HDLBP: variants seen among roughly 807,000 people sequenced by gnomAD.
HDLBP encodes the protein high density lipoprotein binding protein.
Under a neutral mutation model 137.3 loss-of-function variants are expected in HDLBP, and 30 were observed. The ratio of observed to expected loss-of-function variants is 0.22; its 90% confidence interval spans 0.16 to 0.30. The LOEUF (loss-of-function observed/expected upper bound fraction) is 0.30, where lower values mean the gene tolerates loss of function less well. Among genes scored for constraint, HDLBP ranks in the 10% least tolerant of loss-of-function variants. The pLI is 1.00. For missense variants in HDLBP, 1,119 were observed against 1,667.3 expected (o/e 0.67, Z 5.73); for synonymous variants, 606 against 596.0 (o/e 1.02, Z -0.24).
At chr2:241,247,219 G>GT in intron 14 of HDLBP, 77 bp from the exon 15 acceptor site, 1 of 925,354 alleles carries the variant, frequency 1.1e-6, no homozygotes, top group East Asian at 2.5e-5. Flanking sequence ...ACCCCTAAGG[G>GT]TAGCATGAAC....
At chr2:241,309,352 G>A (rs925141019) in intron 1 of HDLBP, among the ~76,000 whole-genome samples, 7 of 152,192 alleles carry the variant, frequency 4.6e-5, no homozygotes, top group Non-Finnish European at 7.3e-5. Flanking sequence ...TCCAGCACGA[G>A]CCGTTGTCAG....
chr2:241,236,974 C>T (rs1231429361), intron 20 of HDLBP, among the ~76,000 whole-genome samples: 1 of 18,648 alleles, frequency 5.4e-5, no homozygotes, highest in Non-Finnish European at 1.3e-4. Flanking sequence ...GGCTCCCAGA[C>T]CTTGGGGGGG....
At chr2:241,290,575 A>T (rs1014367480) in intron 1 of HDLBP, among the ~76,000 whole-genome samples, 1 of 151,614 alleles carries the variant, frequency 6.6e-6, no homozygotes, top group Admixed American at 6.6e-5. Flanking sequence ...GCGCCATTGC[A>T]CTCCAGCCTG....
At chr2:241,281,131 G>A (rs1466417876) in intron 1 of HDLBP, among the ~76,000 whole-genome samples, 1 of 152,168 alleles carries the variant, frequency 6.6e-6, no homozygotes, top group African/African-American at 2.4e-5. Flanking sequence ...CGAGGTGGGC[G>A]GATCACTTGA....
At chr2:241,231,820 T>C (rs1054105280) in intron 24 of HDLBP, among the ~76,000 whole-genome samples, 33 of 152,108 alleles carry the variant, frequency 2.2e-4, no homozygotes, top group African/African-American at 8.0e-4. Context: ...ACAAAACACC[T>C]GTAGCCCACA....
intron 9 of HDLBP, among the ~76,000 whole-genome samples, chr2:241,254,588 C>T (rs1335447540): frequency 1.3e-5 from 2 of 151,786 alleles, no homozygotes; most frequent in Non-Finnish European, 2.9e-5. Flanking sequence ...GGGTTCACGC[C>T]ATTCTCCTGC....
rs1181889139 is a variant in HDLBP at position 241,272,830 on chromosome 2, C to G, written c.-102-4289G>C. On this transcript the variant is annotated intron_variant, in intron 1 of 27. Transcript: ENST00000310931. This position sits in a 1 kb window ranked among gnomAD's most constrained non-coding sequence, Gnocchi z 5.6. ...CCCGCGCGGGAGAAGCCGGGACGCT[C>G]CGAGGCGCGGCGCCCGGGCCCCGGC... The G allele has an allele frequency of 3.5e-6, 1 of 286,860 alleles. No homozygotes were observed. The highest frequency in any genetic ancestry group is 5.2e-6 in the Non-Finnish European group (1 of 191,988). 17.8% of individuals were successfully genotyped at this position (286,860 alleles called of 1,614,324 possible). A position where few individuals can be genotyped will look rare whatever the true frequency, so the allele number is the denominator to read the frequency against.
chr2:241,252,905 C>T (rs369372291), intron 11 of HDLBP, 52 bp downstream of exon 11: 162 of 1,271,894 alleles, frequency 1.3e-4, no homozygotes, highest in Admixed American at 6.8e-5. Flanking sequence ...TGACACCCCC[C>T]ACAAGGGTCT....
In HDLBP at chr2:241,229,485, G is replaced by T. The variant is rs2069456056; in HGVS notation, c.*116C>A. On this transcript the variant is annotated 3_prime_UTR_variant, in exon 28 of 28. Transcript: ENST00000310931. ...TAGGCTCCCTGCGGGACCTCGGGAAGGGGGAAGAGCGTCAACAATTTACGG... is the reference window on the plus strand; with the variant it reads ...TAGGCTCCCTGCGGGACCTCGGGAATGGGGAAGAGCGTCAACAATTTACGG... 3.9e-6 allele frequency: 3 copies of T among 760,322 alleles called. No homozygotes were observed. Among genetic ancestry groups the T allele is most frequent in the South Asian group, 1.8e-5 (1 of 56,830 alleles). The allele number at this position is 760,322 out of a possible 1,614,324, so 47.1% of individuals were successfully genotyped here. A position where few individuals can be genotyped will look rare whatever the true frequency, so the allele number is the denominator to read the frequency against.
chr2:241,272,956 G>A lies in HDLBP; in HGVS notation c.-102-4415C>T. On this transcript the variant is annotated intron_variant, in intron 1 of 27. Transcript: ENST00000310931. This position sits in a 1 kb window ranked among gnomAD's most constrained non-coding sequence, Gnocchi z 5.6. ...CCCCGGGCCGCCCAGCACCCGGGAGGCCCACCCAACTGCAGGCGTGGTTCT... is the reference window on the plus strand; with the variant it reads ...CCCCGGGCCGCCCAGCACCCGGGAGACCCACCCAACTGCAGGCGTGGTTCT... The A allele has an allele frequency of 1.1e-6, 1 of 936,806 alleles. No individual in the cohort carries two copies. Among genetic ancestry groups the A allele is most frequent in the Admixed American group, 6.2e-5 (1 of 16,212 alleles). 58.0% of individuals were successfully genotyped at this position (936,806 alleles called of 1,614,324 possible).
chr2:241,267,681 G>C (rs545527961), intron 2 of HDLBP: 9 of 1,535,470 alleles, frequency 5.9e-6, no homozygotes, highest in South Asian at 4.8e-5. Context: ...TCCAAATCTC[G>C]ACTTAACCAG....
In HDLBP at chr2:241,233,733, T is replaced by C; in HGVS notation, c.3288+87A>G. 1.3e-6 allele frequency: 2 copies of C among 1,492,236 alleles called. No homozygotes were observed. The highest frequency in any genetic ancestry group is 1.7e-5 in the Admixed American group (1 of 57,534). The allele number at this position is 1,492,236 out of a possible 1,614,324, so 92.4% of individuals were successfully genotyped here. A position where few individuals can be genotyped will look rare whatever the true frequency, so the allele number is the denominator to read the frequency against. On this transcript the variant is annotated intron_variant, in intron 24 of 27. Transcript: ENST00000310931. This position sits in a 1 kb window ranked among gnomAD's most constrained non-coding sequence, Gnocchi z 4.3. ...TCTCAACTTGGCCCTCGAACCCCCATCTAGGCACATCTGGTTACTGCTCCC... is the reference window on the plus strand; with the variant it reads ...TCTCAACTTGGCCCTCGAACCCCCACCTAGGCACATCTGGTTACTGCTCCC...
At chr2:241,290,170 CAGAAAT>C (rs2074964855) in intron 1 of HDLBP, among the ~76,000 whole-genome samples, 1 of 151,968 alleles carries the variant, frequency 6.6e-6, no homozygotes, top group East Asian at 1.9e-4. Context: ...AAGAAAGAGT[CAGAAAT>C]AGAAATGTGT....
At chr2:241,280,282 T>C (rs866047815) in intron 1 of HDLBP, among the ~76,000 whole-genome samples, 2 of 152,236 alleles carry the variant, frequency 1.3e-5, no homozygotes, top group African/African-American at 4.8e-5. Context: ...TCAGTTTAAT[T>C]TGACTTGTAG....
At chr2:241,269,779 C>T (rs187647065) in intron 1 of HDLBP, among the ~76,000 whole-genome samples, 22 of 152,266 alleles carry the variant, frequency 1.4e-4, no homozygotes, top group African/African-American at 4.3e-4. Context: ...CTTGAGATTC[C>T]AAGTGTCTGT....
At chr2:241,260,365 G>A (rs962889753) in intron 5 of HDLBP, among the ~76,000 whole-genome samples, 5 of 152,170 alleles carry the variant, frequency 3.3e-5, no homozygotes, top group Non-Finnish European at 7.3e-5. Flanking sequence ...ACTGAAAGGA[G>A]GGGACCCACT....
intron 1 of HDLBP, among the ~76,000 whole-genome samples, chr2:241,314,723 CT>C (rs1299006777): frequency 6.6e-6 from 1 of 152,208 alleles, no homozygotes; most frequent in African/African-American, 2.4e-5. Flanking sequence ...AGCAGCTAGC[CT>C]TGAGCACCTA....
intron 23 of HDLBP, among the ~76,000 whole-genome samples, chr2:241,234,736 C>A (rs1278723734): frequency 6.6e-6 from 1 of 152,190 alleles, no homozygotes; most frequent in East Asian, 1.9e-4. Context: ...GGAAGTCATT[C>A]GCCCTTTGAC....
intron 1 of HDLBP, among the ~76,000 whole-genome samples, chr2:241,303,350 C>T (rs2075456153): frequency 2.0e-5 from 3 of 152,174 alleles, no homozygotes; most frequent in Admixed American, 2.0e-4. Context: ...CTCATTTATG[C>T]AGTCCCCAGC....
Sources: allele counts gnomAD v4.1 joint callset (sites outside exome capture counted in the v4.1 genomes callset), GRCh38; gene constraint gnomAD v4.1.1; non-coding constraint Gnocchi (gnomAD v3.1); transcripts MANE v1.5; gene names NCBI Gene and HGNC (gene_info 2026-07-23, HGNC 2026-07-21).